The following BMAL1 variants were observed in gnomAD, a reference collection of about 807,000 sequenced individuals.
BMAL1 encodes the protein basic helix-loop-helix ARNT like 1.
the BMAL1 span, chr11:13,378,417 AT>A: frequency 6.2e-7 from 1 of 1,613,020 alleles, no homozygotes; most frequent in African/African-American, 1.3e-5. Flanking sequence ...AGGCCGAATG[AT>A]TGCTGAGGAA....
chr11:13,344,875 T>G, the BMAL1 span, among the ~76,000 whole-genome samples: 9 of 152,188 alleles, frequency 5.9e-5, no homozygotes, highest in Non-Finnish European at 1.2e-4. Flanking sequence ...CCATCTGCCA[T>G]GGCTGTTTGG....
chr11:13,326,464 T>C, the BMAL1 span: 3 of 152,224 alleles, frequency 2.0e-5, no homozygotes, highest in Non-Finnish European at 4.4e-5. Context: ...TGCCGGGCAC[T>C]GTGGTAAGCA....
At chr11:13,349,224 G>A in the BMAL1 span, among the ~76,000 whole-genome samples, 8 of 152,242 alleles carry the variant, frequency 5.3e-5, no homozygotes, top group African/African-American at 1.7e-4. Context: ...TCTTTAGACC[G>A]AGGAGCTCGC....
the BMAL1 span, among the ~76,000 whole-genome samples, chr11:13,278,222 G>A: frequency 3.3e-5 from 5 of 152,238 alleles, no homozygotes; most frequent in Admixed American, 2.6e-4. Flanking sequence ...CCCTTAAAGG[G>A]GCCGGGAAAG....
At chr11:13,292,619 G>A in the BMAL1 span, among the ~76,000 whole-genome samples, 1 of 151,032 alleles carries the variant, frequency 6.6e-6, no homozygotes, top group African/African-American at 2.4e-5. Flanking sequence ...TAGAAGAATG[G>A]ACACCTGGTC....
chr11:13,369,558 T>C, the BMAL1 span: 1 of 1,594,352 alleles, frequency 6.3e-7, no homozygotes, highest in Non-Finnish European at 8.5e-7. Context: ...AAGGTCACAC[T>C]CCCCCTCCTG....
chr11:13,378,761 TGA>T, the BMAL1 span: 99 of 300,796 alleles, frequency 3.3e-4, no homozygotes, highest in African/African-American at 2.0e-3. Context: ...AGAGAATTCT[TGA>T]GAAGACTTAA....
chr11:13,372,078 A>G, the BMAL1 span: 33 of 1,557,290 alleles, frequency 2.1e-5, no homozygotes, highest in East Asian at 2.3e-4. Flanking sequence ...TTGACTCCCT[A>G]CCTACATCCC....
At chr11:13,301,062 C>G in the BMAL1 span, among the ~76,000 whole-genome samples, 1 of 152,166 alleles carries the variant, frequency 6.6e-6, no homozygotes, top group South Asian at 2.1e-4. Flanking sequence ...CTCTGCCTCC[C>G]GAGAGGTGGG....
At chr11:13,373,172 C>T in the BMAL1 span, among the ~76,000 whole-genome samples, 1 of 152,164 alleles carries the variant, frequency 6.6e-6, no homozygotes, top group Non-Finnish European at 1.5e-5. Flanking sequence ...TTGATCTAAT[C>T]CAACCTCCTT....
chr11:13,374,145 G>A, the BMAL1 span: 1 of 1,613,950 alleles, frequency 6.2e-7, no homozygotes. Flanking sequence ...GGCACATCGT[G>A]TTATGAATAT....
chr11:13,292,391 A>G, the BMAL1 span, among the ~76,000 whole-genome samples: 1 of 151,714 alleles, frequency 6.6e-6, no homozygotes, highest in Non-Finnish European at 1.5e-5. Context: ...AAAATACAAA[A>G]AAAAAATTAC....
the BMAL1 span, among the ~76,000 whole-genome samples, chr11:13,342,499 G>A: frequency 1.3e-5 from 2 of 152,168 alleles, no homozygotes; most frequent in East Asian, 3.9e-4. Context: ...GATAAATGGT[G>A]TGTGGATGCA....
the BMAL1 span, among the ~76,000 whole-genome samples, chr11:13,292,781 G>A: frequency 1.3e-5 from 2 of 151,974 alleles, no homozygotes; most frequent in African/African-American, 4.8e-5. Flanking sequence ...TTTAACACAT[G>A]GCTTCCATTT....
the BMAL1 span, among the ~76,000 whole-genome samples, chr11:13,313,069 C>G: frequency 1.3e-5 from 2 of 152,228 alleles, no homozygotes. Flanking sequence ...TACAGATTGT[C>G]AGCTGCGCTG....
the BMAL1 span, among the ~76,000 whole-genome samples, chr11:13,305,218 C>A: frequency 6.6e-6 from 1 of 152,156 alleles, no homozygotes; most frequent in Non-Finnish European, 1.5e-5. Flanking sequence ...CTACTAGATG[C>A]TGGGCCCCCG....
At chr11:13,291,164 AG>A in the BMAL1 span, among the ~76,000 whole-genome samples, 1 of 152,200 alleles carries the variant, frequency 6.6e-6, no homozygotes, top group Non-Finnish European at 1.5e-5. Context: ...TGTTCATCAA[AG>A]TCACCCTGTA....
chr11:13,367,381 TA>T, the BMAL1 span, among the ~76,000 whole-genome samples: 1 of 152,144 alleles, frequency 6.6e-6, no homozygotes, highest in African/African-American at 2.4e-5. Context: ...TGGGAGGCTG[TA>T]CACTCCTACA....
chr11:13,313,835 C>T, the BMAL1 span, among the ~76,000 whole-genome samples: 13 of 152,226 alleles, frequency 8.5e-5, no homozygotes, highest in Admixed American at 1.3e-4. Context: ...CCCCCTTCAG[C>T]GGGGCCTGCA....
Sources: allele counts gnomAD v4.1 joint callset (sites outside exome capture counted in the v4.1 genomes callset), GRCh38; gene constraint gnomAD v4.1.1; transcripts MANE v1.5; gene names NCBI Gene and HGNC (gene_info 2026-07-23, HGNC 2026-07-21).